METRNL: variants seen among roughly 807,000 people sequenced by gnomAD.
METRNL encodes the protein meteorin-like protein.
Under a neutral mutation model 17.4 loss-of-function variants are expected in METRNL, and 9 were observed. The observed-to-expected ratio is 0.52, with a 90% CI of 0.31 to 0.90. The LOEUF is 0.90. METRNL is among the 40% of genes least tolerant of loss of function. METRNL has a pLI of 0.05. For missense variants in METRNL, 408 were observed against 430.7 expected, an observed-to-expected ratio of 0.95 and a Z score of 0.47; for synonymous variants, 215 against 199.3, an observed-to-expected ratio of 1.08 and a Z score of -0.66.
chr17:83,082,235 G>A (rs1395088234), intron 1 of METRNL: 1 of 985,444 alleles, frequency 1.0e-6, no homozygotes, highest in East Asian at 1.1e-4. Context: ...CCTGCAAGGT[G>A]GGGAAAGGAA....
At position 83,085,253 on chromosome 17, in the gene METRNL, C is replaced by T; in HGVS notation, c.486C>T (p.Gly162=). The part of the protein sequence containing the change: ...FVEATPQQDI[G]RRTTGFQYEL... Reference sequence around the variant, plus strand: ...AGGCCACGCCGCAGCAGGATATCGGCCGGAGGACCACAGGCTTCCAGTACG... The same window carrying T: ...AGGCCACGCCGCAGCAGGATATCGGTCGGAGGACCACAGGCTTCCAGTACG... Residue 162 remains glycine, a synonymous_variant, in exon 2 of 4, where the codon GGC becomes GGT. Coordinates refer to ENST00000320095, the MANE Select transcript of METRNL (RefSeq NM_001004431.3). The T allele has an allele frequency of 1.9e-6, 3 of 1,572,438 alleles. No homozygotes were observed. Among genetic ancestry groups the T allele is most frequent in the Non-Finnish European group, 2.6e-6 (3 of 1,157,866 alleles).
At chr17:83,088,201 G>A (rs2038075042) in intron 2 of METRNL, among the ~76,000 whole-genome samples, 1 of 152,224 alleles carries the variant, frequency 6.6e-6, no homozygotes, top group Non-Finnish European at 1.5e-5. Flanking sequence ...CGACACGGAC[G>A]CCTTCCTTGG....
intron 1 of METRNL, among the ~76,000 whole-genome samples, chr17:83,081,183 T>TG (rs543951733): frequency 0.033 from 4,949 of 151,146 alleles, 230 homozygotes; most frequent in African/African-American, 0.1. Flanking sequence ...GATGGAGGTC[T>TG]GGGGGGGGTC....
At chr17:83,089,423 C>G (rs963845619) in intron 2 of METRNL, among the ~76,000 whole-genome samples, 7 of 152,170 alleles carry the variant, frequency 4.6e-5, no homozygotes, top group Admixed American at 1.3e-4. Context: ...CCGGACCGGT[C>G]GGTGTCTGTC....
intron 1 of METRNL, 77 bp downstream of exon 1, chr17:83,080,062 G>A (rs1385968084): frequency 3.2e-6 from 3 of 929,260 alleles, no homozygotes; most frequent in African/African-American, 3.6e-5. Flanking sequence ...CCGAGCGTGC[G>A]GGGGCGCGGC....
At chr17:83,084,778 C>G in intron 1 of METRNL, 160 bp from the exon 2 acceptor site, 1 of 887,594 alleles carries the variant, frequency 1.1e-6, no homozygotes, top group South Asian at 1.7e-5. Flanking sequence ...GCCGGCCTGC[C>G]TCACGGGCAG....
intron 2 of METRNL, among the ~76,000 whole-genome samples, chr17:83,086,095 G>A (rs1429486087): frequency 6.6e-6 from 1 of 152,210 alleles, no homozygotes; most frequent in Non-Finnish European, 1.5e-5. Context: ...AAATTCTGTG[G>A]GTAGACACCA....
intron 1 of METRNL, among the ~76,000 whole-genome samples, chr17:83,083,395 CCAG>C (rs769341739): frequency 7.9e-5 from 12 of 152,186 alleles, no homozygotes; most frequent in Non-Finnish European, 1.2e-4. Flanking sequence ...GGCCTCGATG[CCAG>C]AGACGGGAGG....
chr17:83,080,498 CG>C (rs1314116346), intron 1 of METRNL, among the ~76,000 whole-genome samples: 2 of 137,268 alleles, frequency 1.5e-5, no homozygotes, highest in African/African-American at 5.3e-5. Context: ...TGGCTCCGGC[CG>C]GGCCCCCCGC....
At chr17:83,092,053 G>A (rs975450422) in intron 2 of METRNL, among the ~76,000 whole-genome samples, 35 of 152,362 alleles carry the variant, frequency 2.3e-4, no homozygotes, top group Admixed American at 1.8e-3. Context: ...TGTTGGGAAA[G>A]CCTGGTTTGG....
intron 1 of METRNL, 40 bp downstream of exon 1, chr17:83,080,025 C>T: frequency 3.6e-5 from 36 of 1,002,412 alleles, no homozygotes; most frequent in Non-Finnish European, 4.3e-5. Flanking sequence ...GCCCCCTCCC[C>T]TCGCGTCCCC....
chr17:83,085,295 C>G lies in METRNL; in HGVS notation c.528C>G (p.His176Gln). The change falls in exon 2 of 4, where the codon CAC (histidine) becomes CAG (glutamine). Residue 176 changes from histidine to glutamine, a missense_variant. Transcript: ENST00000320095. ...TCCAGTACGAGCTGGTTAGGAGGCA[C>G]AGGGCGTCGGACCTGCACGAGCTGT... ...TGFQYELVRR[H>Q]RASDLHELSA... 6.5e-7 allele frequency: 1 copy of G among 1,538,400 alleles called. No homozygotes were observed. The highest frequency in any genetic ancestry group is 2.3e-5 in the East Asian group (1 of 44,160).
chr17:83,081,377 A>G (rs1022515895), intron 1 of METRNL, among the ~76,000 whole-genome samples: 6 of 152,058 alleles, frequency 3.9e-5, no homozygotes, highest in African/African-American at 1.4e-4. Context: ...CCCGCCACCC[A>G]GGCCGAGTGT....
rs963370444 is a variant in METRNL, at chr17:83,085,264, C to T, written c.497C>T (p.Thr166Ile). The T allele has an allele frequency of 6.4e-7, 1 of 1,563,338 alleles. No homozygotes were observed. Among genetic ancestry groups the T allele is most frequent in the East Asian group, 2.3e-5 (1 of 44,390 alleles). The change falls in exon 2 of 4, where the codon ACA becomes ATA. Residue 166 changes from threonine (T) to isoleucine (I), a missense_variant. Transcript: ENST00000320095. ...CAGCAGGATATCGGCCGGAGGACCA[C>T]AGGCTTCCAGTACGAGCTGGTTAGG... is the stretch of plus-strand genomic sequence containing the variant. ...TPQQDIGRRT[T>I]GFQYELVRRH...
chr17:83,083,073 TC>T, intron 1 of METRNL, among the ~76,000 whole-genome samples: 1 of 152,190 alleles, frequency 6.6e-6, no homozygotes, highest in African/African-American at 2.4e-5. Flanking sequence ...TTTGTCCTCT[TC>T]CTCTTTTTGC....
Position 83,094,728 on chromosome 17 carries a change from C to T in METRNL, c.*153C>T, listed in dbSNP as rs140103847. 1.1e-4 allele frequency: 51 copies of T among 485,322 alleles called. No individual in the cohort carries two copies. The highest frequency in any genetic ancestry group is 3.1e-4 in the Admixed American group (7 of 22,850). 30.1% of individuals were successfully genotyped at this position (485,322 alleles called of 1,614,324 possible). ...GGTACCGAAGCTGTGGACGTTCTCGCCACACTCAACCCCATGAGCTTCCAG... is the reference window on the plus strand; with the variant it reads ...GGTACCGAAGCTGTGGACGTTCTCGTCACACTCAACCCCATGAGCTTCCAG... On this transcript the variant is annotated 3_prime_UTR_variant, in exon 4 of 4. Transcript: ENST00000320095.
Position 83,093,220 on chromosome 17 carries a change from G to A in METRNL, c.610G>A (p.Asp204Asn), listed in dbSNP as rs767682328. 2.5e-6 allele frequency: 4 copies of A among 1,607,692 alleles called. No homozygotes were observed. Among genetic ancestry groups the A allele is most frequent in the Non-Finnish European group, 3.4e-6 (4 of 1,179,626 alleles). ...GGTGCTCCTAGCCGTCTGCACCAGC[G>A]ACTTCGGTGAGTGTCTCCTCGGCAG... ...TEVLLAVCTS[D>N]FAVRGSIQQV... Residue 204 changes from aspartate to asparagine, a missense_variant, in exon 3 of 4, where the codon GAC (aspartate) becomes AAC (asparagine). Coordinates refer to ENST00000320095, the MANE Select transcript of METRNL (RefSeq NM_001004431.3).
intron 2 of METRNL, among the ~76,000 whole-genome samples, chr17:83,091,532 T>C (rs1469509374): frequency 1.3e-5 from 2 of 152,218 alleles, no homozygotes; most frequent in African/African-American, 4.8e-5. Context: ...AGAAGGCCTC[T>C]GAGCAGCTGT....
chr17:83,090,227 G>A (rs184841456), intron 2 of METRNL, among the ~76,000 whole-genome samples: 305 of 20,764 alleles, frequency 0.015, 43 homozygotes, highest in East Asian at 0.026. Context: ...CAGGGTGGGA[G>A]CCACACACAC....
Sources: allele counts gnomAD v4.1 joint callset (sites outside exome capture counted in the v4.1 genomes callset), GRCh38; gene constraint gnomAD v4.1.1; transcripts MANE v1.5; gene names NCBI Gene and HGNC (gene_info 2026-07-23, HGNC 2026-07-21).